Variants in PRIM2 observed in about 807,000 individuals in gnomAD.
PRIM2 encodes DNA primase large subunit.
A neutral mutation model predicts 67.3 loss-of-function variants in PRIM2; 39 were observed. That is an observed-to-expected ratio of 0.58 (90% confidence interval 0.45 to 0.76). The LOEUF is 0.76. Among genes scored for constraint, PRIM2 ranks in the 30% least tolerant of loss-of-function variants. The pLI is 0.00. For synonymous variants in PRIM2, 143 were observed against 198.7 expected (o/e 0.72, Z 2.36); for missense variants, 398 against 598.7 (o/e 0.66, Z 3.50).
At chr6:57,291,684 G>A in the PRIM2 span, among the ~76,000 whole-genome samples, 28 of 152,088 alleles carry the variant, frequency 1.8e-4, no homozygotes, top group African/African-American at 6.8e-4. Flanking sequence ...ATGCAAGGCT[G>A]GTTCAACATA....
At position 57,444,515 on chromosome 6, in the gene PRIM2, C is replaced by T. The variant is rs9475967; in HGVS notation, c.693+62347C>T. On this transcript the variant is annotated intron_variant, in intron 7 of 13. Transcript: ENST00000615550. ...CTGGGAGGCAGAGGTTGCAGTGAGC[C>T]GAGATCGTACCACTGCATTCCAGCC... is the stretch of plus-strand genomic sequence containing the variant. Among the ~76,000 whole-genome samples, 1,063 of 150,070 alleles carry T rather than the reference C, an allele frequency of 7.1e-3. 13 individuals carry two copies. Among genetic ancestry groups the T allele is most frequent in the African/African-American group, 0.024 (980 of 40,706 alleles).
At chr6:57,320,352 T>TTTACAGAA in intron 2 of PRIM2, 105 bp from the exon 3 acceptor site, 2 of 705,618 alleles carry the variant, frequency 2.8e-6, no homozygotes, top group Non-Finnish European at 4.6e-6. Flanking sequence ...CAATTACCTG[T>TTTACAGAA]CATGTTCTGT....
intron 7 of PRIM2, among the ~76,000 whole-genome samples, chr6:57,445,517 C>T (rs1350364453): frequency 6.6e-6 from 1 of 152,176 alleles, no homozygotes; most frequent in East Asian, 1.9e-4. Context: ...TTTATCACCT[C>T]TAGGCCATCT....
At chr6:57,323,249 C>A (rs1266907105) in intron 3 of PRIM2, among the ~76,000 whole-genome samples, 1 of 151,980 alleles carries the variant, frequency 6.6e-6, no homozygotes, top group Admixed American at 6.6e-5. Context: ...TTTCCAAATT[C>A]CCATAGTTGT....
At chr6:57,466,835 G>A (rs1413853413) in intron 7 of PRIM2, among the ~76,000 whole-genome samples, 2 of 152,142 alleles carry the variant, frequency 1.3e-5, no homozygotes, top group African/African-American at 4.8e-5. Flanking sequence ...GATCCCATTT[G>A]TTGGCTGGGC....
At chr6:57,362,529 A>G (rs1459899509) in intron 5 of PRIM2, among the ~76,000 whole-genome samples, 9 of 152,102 alleles carry the variant, frequency 5.9e-5, no homozygotes, top group Admixed American at 5.9e-4. Flanking sequence ...GGTTATCATT[A>G]TATCTTTCAT....
chr6:57,595,101 T>C, intron 10 of PRIM2, among the ~76,000 whole-genome samples: 1 of 152,310 alleles, frequency 6.6e-6, no homozygotes, highest in Non-Finnish European at 1.5e-5. Context: ...ATTAGCAATA[T>C]TGATCATACC....
At chr6:57,331,189 G>GA (rs147300105) in intron 5 of PRIM2, among the ~76,000 whole-genome samples, 2,144 of 98,280 alleles carry the variant, frequency 0.022, 39 homozygotes, top group African/African-American at 0.064. Context: ...CTTTGTCTCA[G>GA]AAAAAAAAAA....
chr6:57,515,036 A>G (rs1581963761), intron 8 of PRIM2, among the ~76,000 whole-genome samples: 1 of 152,298 alleles, frequency 6.6e-6, no homozygotes, highest in East Asian at 1.9e-4. Flanking sequence ...ATATAAAATC[A>G]TCTCCCTCCC....
intron 7 of PRIM2, among the ~76,000 whole-genome samples, chr6:57,407,473 T>TG (rs1188289987): frequency 0.033 from 5,021 of 152,068 alleles, 278 homozygotes; most frequent in African/African-American, 0.11. Flanking sequence ...GGTTTTTTTT[T>TG]TGTGTGTGTG....
chr6:57,339,547 C>A (rs1205061306), intron 5 of PRIM2, among the ~76,000 whole-genome samples: 2 of 152,050 alleles, frequency 1.3e-5, no homozygotes, highest in African/African-American at 2.4e-5. Flanking sequence ...TCAGAAATAA[C>A]GCTGCATATC....
At chr6:57,480,997 T>A (rs1305201022) in intron 7 of PRIM2, among the ~76,000 whole-genome samples, 1 of 152,210 alleles carries the variant, frequency 6.6e-6, no homozygotes, top group Non-Finnish European at 1.5e-5. Flanking sequence ...TTTTAAAAAA[T>A]TTTGAAATAA....
chr6:57,585,206 C>T (rs1445074321), intron 10 of PRIM2, among the ~76,000 whole-genome samples: 1 of 152,152 alleles, frequency 6.6e-6, no homozygotes, highest in Non-Finnish European at 1.5e-5. Flanking sequence ...TGATATTAAA[C>T]AACACACCGG....
intron 10 of PRIM2, among the ~76,000 whole-genome samples, chr6:57,593,483 A>G (rs1776317219): frequency 6.6e-6 from 1 of 152,052 alleles, no homozygotes; most frequent in Non-Finnish European, 1.5e-5. Context: ...TTGTATTATT[A>G]GTAGAGATGG....
At chr6:57,594,874 C>T (rs1484308972) in intron 10 of PRIM2, among the ~76,000 whole-genome samples, 1 of 152,048 alleles carries the variant, frequency 6.6e-6, no homozygotes, top group African/African-American at 2.4e-5. Flanking sequence ...TTACATTTGA[C>T]AAAAGGCTTG....
At chr6:57,557,716 A>G in intron 10 of PRIM2, among the ~76,000 whole-genome samples, 1 of 151,958 alleles carries the variant, frequency 6.6e-6, no homozygotes, top group Non-Finnish European at 1.5e-5. Flanking sequence ...CCAAACTGCT[A>G]TGATGTGAGT....
chr6:57,531,520 G>C (rs1273077604), intron 8 of PRIM2, among the ~76,000 whole-genome samples: 1 of 152,160 alleles, frequency 6.6e-6, no homozygotes, highest in Non-Finnish European at 1.5e-5. Flanking sequence ...ACCTGAGTCT[G>C]TGTTCATGGA....
rs1396936136 is a variant in PRIM2, at chr6:57,630,223, A to G, written c.1231-1910A>G. On this transcript the variant is annotated intron_variant, in intron 12 of 13. Coordinates refer to ENST00000615550, the MANE Select transcript of PRIM2 (RefSeq NM_000947.5). ...GATTAAAGTTCTTTAAGCTATCCTG[A>G]TCATAGTTGAATGACTTGTTTATAG... Among the ~76,000 whole-genome samples the G allele has an allele frequency of 1.4e-3, 209 of 152,080 alleles. 4 individuals are homozygous for G. In the East Asian group the frequency reaches 0.019, roughly 14 times the overall value.
chr6:57,480,079 G>A (rs1393256495), intron 7 of PRIM2, among the ~76,000 whole-genome samples: 177 of 152,282 alleles, frequency 1.2e-3, no homozygotes, highest in Non-Finnish European at 2.1e-3. Flanking sequence ...TAGGTAGAGA[G>A]AATCTTGTGG....
Sources: allele counts gnomAD v4.1 joint callset (sites outside exome capture counted in the v4.1 genomes callset), GRCh38; gene constraint gnomAD v4.1.1; transcripts MANE v1.5; gene names NCBI Gene and HGNC (gene_info 2026-07-23, HGNC 2026-07-21).